The following HAUS8 variants were observed in gnomAD, a reference collection of about 807,000 sequenced individuals.
HAUS8 encodes the protein HAUS augmin-like complex subunit 8.
In HAUS8, 38 loss-of-function variants were observed where a neutral mutation model predicts 42.9. That is an observed-to-expected ratio of 0.89 (90% CI 0.68 to 1.16). The LOEUF (loss-of-function observed/expected upper bound fraction) is 1.16. Among genes scored for constraint, HAUS8 ranks in the 50% most tolerant of loss-of-function variants. The pLI is 0.00. For synonymous variants in HAUS8, 199 were observed against 205.8 expected (o/e 0.97, Z 0.28); for missense variants, 494 against 511.6 (o/e 0.97, Z 0.33).
Position 17,050,061 on chromosome 19 carries a change from T to C in HAUS8, c.1045A>G (p.Asn349Asp). 1.2e-6 allele frequency: 2 copies of C among 1,605,418 alleles called. No individual in the cohort carries two copies. The highest frequency in any genetic ancestry group is 1.7e-6 in the Non-Finnish European group (2 of 1,176,242). Residue 349 changes from asparagine (N) to aspartate (D), a missense_variant, in exon 11 of 11, where the codon AAT (asparagine) becomes GAT (aspartate). By Grantham distance (23) the Asn-to-Asp change is conservative. Coordinates refer to ENST00000253669, the MANE Select transcript of HAUS8 (RefSeq NM_033417.2). ...GMAPPSRWYF[N>D]QDSACRESGG... ...GATTCTCTGCAGGCACTGTCTTGATTGAAATACCACCGGCTGGGGGGCGCC... is the reference window on the plus strand; with the variant it reads ...GATTCTCTGCAGGCACTGTCTTGATCGAAATACCACCGGCTGGGGGGCGCC...
At chr19:17,055,471 T>C (rs1599972654) in intron 9 of HAUS8, among the ~76,000 whole-genome samples, 1 of 151,760 alleles carries the variant, frequency 6.6e-6, no homozygotes, top group East Asian at 1.9e-4. Context: ...AGTCTTCAAG[T>C]TAGGGATTAG....
intron 8 of HAUS8, among the ~76,000 whole-genome samples, chr19:17,057,282 G>A (rs539089387): frequency 1.1e-3 from 161 of 152,086 alleles, no homozygotes; most frequent in Non-Finnish European, 1.6e-3. Context: ...CCTGGGAGGC[G>A]GACGTTGCAG....
intron 9 of HAUS8, 58 bp downstream of exon 9, chr19:17,055,803 C>T (rs1388773314): frequency 1.3e-6 from 2 of 1,537,734 alleles, no homozygotes; most frequent in Non-Finnish European, 1.8e-6. Flanking sequence ...ACAGGAAGCA[C>T]CCACACACGC....
chr19:17,067,661 G>T (rs1026667636), intron 3 of HAUS8, among the ~76,000 whole-genome samples: 1 of 152,176 alleles, frequency 6.6e-6, no homozygotes, highest in South Asian at 2.1e-4. Context: ...AATTTGGAGC[G>T]TGGAAGACTG....
chr19:17,052,760 T>C, intron 10 of HAUS8, 65 bp downstream of exon 10: 4 of 1,581,756 alleles, frequency 2.5e-6, no homozygotes, highest in Non-Finnish European at 3.5e-6. Flanking sequence ...ACCCCAACAG[T>C]GCAGCCACCA....
chr19:17,060,113 G>GA, intron 4 of HAUS8, 21 bp from the exon 5 acceptor site: 1 of 1,535,786 alleles, frequency 6.5e-7, no homozygotes, highest in Non-Finnish European at 9.0e-7. Context: ...AAGAATCCCC[G>GA]AAAGTCAGCA....
intron 2 of HAUS8, among the ~76,000 whole-genome samples, chr19:17,070,055 T>C (rs10854155): frequency 0.61 from 92,337 of 151,576 alleles, 28,955 homozygotes; most frequent in African/African-American, 0.75. Context: ...CACCAGATGC[T>C]GGAGGTCATT....
At chr19:17,053,393 T>A in intron 9 of HAUS8, 1 of 189,514 alleles carries the variant, frequency 5.3e-6, no homozygotes, top group South Asian at 1.0e-4. Context: ...ACAACACGCC[T>A]CTCTACCCTG....
At chr19:17,050,742 A>C (rs1394700700) in intron 10 of HAUS8, among the ~76,000 whole-genome samples, 1 of 152,076 alleles carries the variant, frequency 6.6e-6, no homozygotes, top group Non-Finnish European at 1.5e-5. Context: ...TTAAAAATAC[A>C]AAAATTAGCC....
At chr19:17,060,508 A>G (rs551050737) in intron 4 of HAUS8, among the ~76,000 whole-genome samples, 2 of 152,318 alleles carry the variant, frequency 1.3e-5, no homozygotes, top group East Asian at 3.9e-4. Context: ...TCCCGGGTTC[A>G]AGTGATTCTC....
chr19:17,055,173 T>A (rs1568634950), intron 9 of HAUS8: 3 of 49,170 alleles, frequency 6.1e-5, no homozygotes, highest in African/African-American at 2.1e-4. Context: ...TATATATATA[T>A]ATATATATAT....
At chr19:17,068,834 T>C (rs1412119775) in intron 3 of HAUS8, among the ~76,000 whole-genome samples, 197 bp downstream of exon 3, 1 of 152,006 alleles carries the variant, frequency 6.6e-6, no homozygotes, top group East Asian at 1.9e-4. Context: ...AAGAGATGCT[T>C]ATAGCCATGA....
chr19:17,066,535 T>C (rs1433097371), intron 3 of HAUS8, among the ~76,000 whole-genome samples: 3 of 152,184 alleles, frequency 2.0e-5, no homozygotes, highest in African/African-American at 7.2e-5. Flanking sequence ...TCAGAAGTTC[T>C]AGAGGCAGAA....
At chr19:17,068,716 G>A (rs12609915) in intron 3 of HAUS8, among the ~76,000 whole-genome samples, 12 of 152,160 alleles carry the variant, frequency 7.9e-5, no homozygotes, top group Admixed American at 5.9e-4. Context: ...GCAGTGAGTC[G>A]TGATCACACT....
upstream of HAUS8, chr19:17,075,509 G>A: frequency 6.9e-7 from 1 of 1,448,912 alleles, no homozygotes; most frequent in Non-Finnish European, 9.6e-7. Flanking sequence ...CATTTGTGGA[G>A]ACGCAGGAGG....
At chr19:17,069,694 T>C (rs576829929) in intron 2 of HAUS8, among the ~76,000 whole-genome samples, 3 of 151,838 alleles carry the variant, frequency 2.0e-5, no homozygotes, top group African/African-American at 7.3e-5. Context: ...CTTCTGGAGG[T>C]AGGGGTCTGA....
intron 9 of HAUS8, chr19:17,055,126 A>G (rs1408655845): frequency 9.7e-5 from 3 of 30,944 alleles, no homozygotes; most frequent in East Asian, 8.3e-4. Flanking sequence ...AAAAAAAAAA[A>G]AAAAAAAAAA....
intron 9 of HAUS8, chr19:17,055,138 AAAAAAATATATATATATATAT>A (rs1274532484): frequency 1.7e-4 from 5 of 29,614 alleles, no homozygotes; most frequent in Admixed American, 6.7e-4. Flanking sequence ...AAAAAAAAAA[AAAAAAATATATATATATATAT>A]ATATATATAT....
At chr19:17,073,036 G>A (rs764294427) in intron 2 of HAUS8, among the ~76,000 whole-genome samples, 7 of 150,616 alleles carry the variant, frequency 4.6e-5, no homozygotes, top group South Asian at 4.2e-4. Flanking sequence ...GACATGTCCC[G>A]GACACAGCCC....
Sources: allele counts gnomAD v4.1 joint callset (sites outside exome capture counted in the v4.1 genomes callset), GRCh38; gene constraint gnomAD v4.1.1; transcripts MANE v1.5; gene names NCBI Gene and HGNC (gene_info 2026-07-23, HGNC 2026-07-21).